MCC: variants seen among roughly 807,000 people sequenced by gnomAD.
MCC encodes colorectal mutant cancer protein.
A neutral mutation model predicts 116.2 loss-of-function variants in MCC; 90 were observed. The observed-to-expected ratio is 0.77, with a 90% CI of 0.65 to 0.92. The LOEUF (loss-of-function observed/expected upper bound fraction) is 0.92, where lower values mean the gene tolerates loss of function less well. Among genes scored for constraint, MCC ranks in the 40% least tolerant of loss-of-function variants. The pLI is 0.00. For missense variants in MCC, 1,516 were observed against 1,312.2 expected, an observed-to-expected ratio of 1.16 and a Z score of -2.40; for synonymous variants, 578 against 510.5, an observed-to-expected ratio of 1.13 and a Z score of -1.78.
At chr5:113,114,810 C>G (rs1757303114) in intron 6 of MCC, among the ~76,000 whole-genome samples, 1 of 152,180 alleles carries the variant, frequency 6.6e-6, no homozygotes. Flanking sequence ...AGCTCCCCTT[C>G]CTGCTGAGAG....
chr5:113,436,347 T>C (rs565720535), intron 1 of MCC: 24 of 152,374 alleles, frequency 1.6e-4, no homozygotes, highest in African/African-American at 5.8e-4. Flanking sequence ...TCCCCAGCCA[T>C]CTGAATGGAC....
intron 3 of MCC, among the ~76,000 whole-genome samples, chr5:113,227,372 A>T (rs1314551769): frequency 6.6e-6 from 1 of 152,186 alleles, no homozygotes; most frequent in African/African-American, 2.4e-5. Flanking sequence ...GCACTATAAG[A>T]AGTATATAGC....
intron 3 of MCC, among the ~76,000 whole-genome samples, chr5:113,220,191 G>A (rs148101770): frequency 0.021 from 2,752 of 130,360 alleles, 342 homozygotes; most frequent in African/African-American, 0.065. Context: ...CTCAGTAGCT[G>A]GGATTACAGG....
chr5:113,282,537 G>C lies in MCC; in HGVS notation c.627+57982C>G, dbSNP rs532332676. On this transcript the variant is annotated intron_variant, in intron 3 of 18. Coordinates refer to ENST00000408903, the MANE Select transcript of MCC (RefSeq NM_001085377.2). ...CAGATTATGCCAAAAGAGAGACAGA[G>C]ACAGAGAGAGGATACCAAATTTGAT... Among the ~76,000 whole-genome samples the C allele has an allele frequency of 7.2e-5, 11 of 152,290 alleles. No individual in the cohort carries two copies. In the South Asian group the frequency reaches 2.3e-3, roughly 32 times the overall value.
At position 113,025,906 on chromosome 5, in the gene MCC, TC is replaced by T. The variant is rs1750515687; in HGVS notation, c.*1395del. 6.6e-6 allele frequency: 1 copy of T among 152,188 alleles called. No individual in the cohort carries two copies. Among genetic ancestry groups the T allele is most frequent in the South Asian group, 2.1e-4 (1 of 4,822 alleles). 9.4% of individuals were successfully genotyped at this position (152,188 alleles called of 1,614,324 possible). A position where few individuals can be genotyped will look rare whatever the true frequency, so the allele number is the denominator to read the frequency against. On this transcript the variant is annotated 3_prime_UTR_variant, in exon 19 of 19. Coordinates refer to ENST00000408903, the MANE Select transcript of MCC (RefSeq NM_001085377.2). The stretch of plus-strand genomic sequence containing the variant: ...GACATAAAGACTCTATGCAGAAACC[TC>T]CTCAACTTTAATTTGTAGTCAGCTA...
intron 3 of MCC, among the ~76,000 whole-genome samples, chr5:113,185,116 A>T (rs918986021): frequency 3.3e-5 from 5 of 152,178 alleles, no homozygotes; most frequent in African/African-American, 1.2e-4. Flanking sequence ...CGATGGTTCA[A>T]ACATCAACTT....
At chr5:113,382,505 C>T (rs1427863888) in intron 2 of MCC, among the ~76,000 whole-genome samples, 1 of 151,998 alleles carries the variant, frequency 6.6e-6, no homozygotes, top group Non-Finnish European at 1.5e-5. Flanking sequence ...CCTCCCGCCT[C>T]GGCCTCCTAA....
chr5:113,101,211 C>T (rs368831831), intron 8 of MCC, among the ~76,000 whole-genome samples: 5 of 151,990 alleles, frequency 3.3e-5, no homozygotes, highest in Non-Finnish European at 7.4e-5. Context: ...TAAACAGATG[C>T]ACATACACAC....
intron 2 of MCC, among the ~76,000 whole-genome samples, chr5:113,371,090 G>A (rs182696613): frequency 2.6e-5 from 4 of 152,234 alleles, no homozygotes; most frequent in Admixed American, 1.3e-4. Flanking sequence ...GTGTGGTGGC[G>A]CATGCCTGGA....
At chr5:113,068,823 C>G (rs1753814066) in intron 12 of MCC, among the ~76,000 whole-genome samples, 1 of 152,190 alleles carries the variant, frequency 6.6e-6, no homozygotes, top group Non-Finnish European at 1.5e-5. Flanking sequence ...CCACTGAGGT[C>G]TCAGATGATA....
In MCC at chr5:113,027,705, C is replaced by A. The variant is rs116003546; in HGVS notation, c.2880-223G>T. Among the ~76,000 whole-genome samples the A allele has an allele frequency of 1.9e-3, 288 of 151,822 alleles. 3 individuals are homozygous for A. Among genetic ancestry groups the A allele is most frequent in the African/African-American group, 6.6e-3 (270 of 41,168 alleles). ...CTGGCTTAACCCTGATGAATCCAGC[C>A]GGATTGCTAGAGGCTGGTCACTCTC... is the stretch of plus-strand genomic sequence containing the variant. On this transcript the variant is annotated intron_variant, in intron 18 of 18. Coordinates refer to ENST00000408903, the MANE Select transcript of MCC (RefSeq NM_001085377.2).
chr5:113,065,039 G>C (rs1324338877), intron 13 of MCC, among the ~76,000 whole-genome samples: 1 of 152,182 alleles, frequency 6.6e-6, no homozygotes, highest in African/African-American at 2.4e-5. Flanking sequence ...CAGGGGATGG[G>C]GTTGGGGGAG....
chr5:113,400,733 C>T (rs917209249), intron 1 of MCC, among the ~76,000 whole-genome samples: 4 of 152,044 alleles, frequency 2.6e-5, no homozygotes, highest in Non-Finnish European at 4.4e-5. Flanking sequence ...GAAATCTGTC[C>T]CAAATTCCTG....
At chr5:113,038,305 G>T (rs1185024816) in intron 17 of MCC, among the ~76,000 whole-genome samples, 2 of 151,976 alleles carry the variant, frequency 1.3e-5, no homozygotes, top group Non-Finnish European at 2.9e-5. Flanking sequence ...CATTTAGAAG[G>T]AACAGCTGAA....
intron 3 of MCC, among the ~76,000 whole-genome samples, chr5:113,201,691 C>T (rs866586444): frequency 3.3e-5 from 5 of 152,110 alleles, no homozygotes; most frequent in Non-Finnish European, 7.4e-5. Context: ...TTTTTAGGTG[C>T]TCCTATAACT....
chr5:113,110,557 T>C (rs1442943172), intron 6 of MCC, among the ~76,000 whole-genome samples: 2 of 152,262 alleles, frequency 1.3e-5, no homozygotes, highest in African/African-American at 2.4e-5. Context: ...TTTCTTCTTA[T>C]GTTAACCTTC....
chr5:113,483,368 A>C (rs1772428512), intron 1 of MCC, among the ~76,000 whole-genome samples: 1 of 152,214 alleles, frequency 6.6e-6, no homozygotes, highest in African/African-American at 2.4e-5. Flanking sequence ...AAGTATTGCC[A>C]TCTTAACAAA....
At chr5:113,074,726 A>G (rs1051838911) in intron 11 of MCC, among the ~76,000 whole-genome samples, 1 of 152,248 alleles carries the variant, frequency 6.6e-6, no homozygotes, top group Non-Finnish European at 1.5e-5. Context: ...ACGGCACAAG[A>G]ACTACATGAT....
intron 2 of MCC, among the ~76,000 whole-genome samples, chr5:113,357,628 G>A (rs1192486313): frequency 6.6e-6 from 1 of 152,210 alleles, no homozygotes; most frequent in African/African-American, 2.4e-5. Context: ...CTCAGGAGTT[G>A]GGGCAAGTGG....
Sources: gnomAD v4.1 joint callset for allele counts (sites outside exome capture counted in the v4.1 genomes callset) on GRCh38, gnomAD v4.1.1 for gene constraint, MANE v1.5 for transcripts, NCBI Gene and HGNC (gene_info 2026-07-23, HGNC 2026-07-21) for gene names.